The following CXCL17 variants were observed in gnomAD, a reference collection of about 807,000 sequenced individuals.
The protein encoded by CXCL17 is C-X-C motif chemokine ligand 17.
In CXCL17, 9 loss-of-function variants were observed where a neutral mutation model predicts 15.5. The observed-to-expected ratio is 0.58, with a 90% CI of 0.35 to 1.01. CXCL17 has a LOEUF of 1.01. CXCL17 is among the 50% of genes least tolerant of loss of function. CXCL17 has a pLI of 0.02. For missense variants in CXCL17, 133 were observed against 138.2 expected, an observed-to-expected ratio of 0.96 and a Z score of 0.19; for synonymous variants, 52 against 52.3, an observed-to-expected ratio of 0.99 and a Z score of 0.02.
intron 3 of CXCL17, among the ~76,000 whole-genome samples, chr19:42,432,555 G>A (rs1369325097): frequency 6.6e-6 from 1 of 152,096 alleles, no homozygotes; most frequent in Non-Finnish European, 1.5e-5. Flanking sequence ...GATCACTTGA[G>A]CCCAGGAGTT....
rs574220649 is a variant in CXCL17 at position 42,434,758 on chromosome 19, C to T, written c.80-902G>A. ...GTAGCTGTATTTGAATCCAGAGTCC[C>T]AGTTCAACTATTAAACGATGGTATT... On this transcript the variant is annotated intron_variant, in intron 1 of 3. Transcript: ENST00000601181. 2.6e-5 allele frequency among the ~76,000 whole-genome samples: 4 copies of T among 152,274 alleles called. No homozygotes were observed. The South Asian group carries it at 6.2e-4, about 24-fold the overall frequency.
rs1179922236 is a variant in CXCL17, at chr19:42,433,796, C to T, written c.140G>A (p.Gly47Asp). The part of the protein sequence containing the change: ...QASRRWLQEG[G>D]QECECKDWFL... Reference sequence around the variant, plus strand: ...CTGACCTTTGCACTCACATTCTTGGCCGCCTTCCTGGAGCCATCTCCTAGA... The same window carrying T: ...CTGACCTTTGCACTCACATTCTTGGTCGCCTTCCTGGAGCCATCTCCTAGA... The change falls in exon 2 of 4, where the codon GGC (glycine) becomes GAC (aspartate). Residue 47 changes from glycine to aspartate, a missense_variant. Gly to Asp is a moderately conservative substitution (Grantham distance 94, BLOSUM62 -1). Coordinates refer to ENST00000601181, the MANE Select transcript of CXCL17 (RefSeq NM_198477.3). The T allele has an allele frequency of 6.2e-7, 1 of 1,614,006 alleles. No individual in the cohort carries two copies. The highest frequency in any genetic ancestry group is 1.1e-5 in the South Asian group (1 of 91,084).
At chr19:42,438,654 G>C (rs2040861891) in intron 1 of CXCL17, among the ~76,000 whole-genome samples, 3 of 151,942 alleles carry the variant, frequency 2.0e-5, no homozygotes. Context: ...ATCAGTCAGT[G>C]CCCATAGTCT....
Position 42,442,860 on chromosome 19 carries a change from CT to C in CXCL17, c.-29del. The C allele has an allele frequency of 6.3e-7, 1 of 1,582,800 alleles. No individual in the cohort carries two copies. Reference sequence around the variant, plus strand: ...CAACTGTCGGTGCAGCTGTAAGTTGCTTGAAGAATATAATGGAAGGTTCCCT... The same window carrying C: ...CAACTGTCGGTGCAGCTGTAAGTTGCTGAAGAATATAATGGAAGGTTCCCT... On this transcript the variant is annotated 5_prime_UTR_variant, in exon 1 of 4. Coordinates refer to ENST00000601181, the MANE Select transcript of CXCL17 (RefSeq NM_198477.3).
chr19:42,433,698 A>G (rs1486332574), intron 2 of CXCL17, 78 bp downstream of exon 2: 6 of 1,199,970 alleles, frequency 5.0e-6, no homozygotes, highest in Non-Finnish European at 5.0e-6. Flanking sequence ...TAACATCTGC[A>G]TTGGTCTCAG....
At chr19:42,439,531 C>T (rs1466670468) in intron 1 of CXCL17, among the ~76,000 whole-genome samples, 1 of 151,808 alleles carries the variant, frequency 6.6e-6, no homozygotes, top group African/African-American at 2.4e-5. Flanking sequence ...CCACAAGATA[C>T]TTATTAATTA....
In CXCL17 at chr19:42,428,773, A is replaced by G; in HGVS notation, c.*111T>C. 1.3e-6 allele frequency: 1 copy of G among 793,758 alleles called. No homozygotes were observed. Among genetic ancestry groups the G allele is most frequent in the Non-Finnish European group, 2.2e-6 (1 of 450,148 alleles). The allele number at this position is 793,758 out of a possible 1,614,324, so 49.2% of individuals were successfully genotyped here. On this transcript the variant is annotated 3_prime_UTR_variant, in exon 4 of 4. Coordinates refer to ENST00000601181, the MANE Select transcript of CXCL17 (RefSeq NM_198477.3). ...CTTTTTGAGAGCACTGGAATGATTT[A>G]GGGGTGGGTACAGTGGGAGAGTGAG...
chr19:42,430,346 T>C (rs1215269710), intron 3 of CXCL17, among the ~76,000 whole-genome samples: 1 of 150,270 alleles, frequency 6.7e-6, no homozygotes, highest in Non-Finnish European at 1.5e-5. Context: ...CTGTAATCCC[T>C]GCACTTTGGG....
intron 1 of CXCL17, among the ~76,000 whole-genome samples, chr19:42,438,381 A>AAAAAAAAATATATATAT (rs1555793041): frequency 1.6e-5 from 1 of 63,852 alleles, no homozygotes; most frequent in Non-Finnish European, 2.6e-5. Context: ...AAAAAAAAAA[A>AAAAAAAAATATATATAT]ATATATATAT....
chr19:42,438,972 G>A (rs1480318105), intron 1 of CXCL17, among the ~76,000 whole-genome samples: 6 of 152,128 alleles, frequency 3.9e-5, no homozygotes, highest in Middle Eastern at 6.3e-3. Context: ...ATAAGGAAGA[G>A]GCTAGGCATG....
chr19:42,441,766 C>G (rs762369799), intron 1 of CXCL17, among the ~76,000 whole-genome samples: 2 of 152,110 alleles, frequency 1.3e-5, no homozygotes, highest in African/African-American at 4.8e-5. Context: ...ACATGGGGAT[C>G]AGGTCTTTTC....
intron 1 of CXCL17, among the ~76,000 whole-genome samples, chr19:42,438,392 A>G (rs1281825517): frequency 9.1e-6 from 1 of 109,482 alleles, no homozygotes; most frequent in Non-Finnish European, 1.7e-5. Context: ...ATATATATAT[A>G]TATATATATA....
chr19:42,442,698 G>A, intron 1 of CXCL17, 56 bp downstream of exon 1: 1 of 1,254,978 alleles, frequency 8.0e-7, no homozygotes, highest in Non-Finnish European at 1.2e-6. Context: ...TGTGTCTGTG[G>A]CCTGTTTTGC....
chr19:42,433,021 T>C lies in CXCL17; in HGVS notation c.217A>G (p.Lys73Glu), dbSNP rs377513416. ...KFMTVSGLPKKQCPCDHFKGN... is the reference protein window; with the variant it reads ...KFMTVSGLPKEQCPCDHFKGN... ...TTGAAATGATCACAGGGGCACTGCT[T>C]CTTTGGCAGCCCAGACACTGTCATG... The change falls in exon 3 of 4, where the codon AAG (lysine) becomes GAG (glutamate). Residue 73 changes from lysine to glutamate, a missense_variant. Coordinates refer to ENST00000601181, the MANE Select transcript of CXCL17 (RefSeq NM_198477.3). 1.9e-6 allele frequency: 3 copies of C among 1,614,038 alleles called. No homozygotes were observed. In the African/African-American group the frequency reaches 4.0e-5, roughly 22 times the overall value.
chr19:42,434,598 T>A (rs985699189), intron 1 of CXCL17, among the ~76,000 whole-genome samples: 98 of 152,060 alleles, frequency 6.4e-4, no homozygotes, highest in Admixed American at 6.2e-3. Context: ...CTGGCTAGTT[T>A]TTTGTATTTT....
intron 3 of CXCL17, among the ~76,000 whole-genome samples, chr19:42,429,676 T>A: frequency 6.6e-6 from 1 of 152,168 alleles, no homozygotes; most frequent in Non-Finnish European, 1.5e-5. Context: ...ATAAGACTCA[T>A]CCAGTGGAAA....
At chr19:42,433,436 C>A (rs768459843) in intron 2 of CXCL17, among the ~76,000 whole-genome samples, 3 of 152,120 alleles carry the variant, frequency 2.0e-5, no homozygotes, top group Non-Finnish European at 4.4e-5. Flanking sequence ...TCAGTCTTGC[C>A]TGTGAGTAAA....
intron 1 of CXCL17, among the ~76,000 whole-genome samples, chr19:42,438,469 GTCTC>G (rs531930869): frequency 7.0e-6 from 1 of 142,320 alleles, no homozygotes; most frequent in South Asian, 2.2e-4. Context: ...CGTGAATGTG[GTCTC>G]TCTCTCTCTT....
intron 1 of CXCL17, 55 bp downstream of exon 1, chr19:42,442,699 C>G: frequency 7.8e-7 from 1 of 1,279,392 alleles, no homozygotes; most frequent in East Asian, 2.3e-5. Context: ...GTGTCTGTGG[C>G]CTGTTTTGCC....
Sources: allele counts gnomAD v4.1 joint callset (sites outside exome capture counted in the v4.1 genomes callset), GRCh38; gene constraint gnomAD v4.1.1; transcripts MANE v1.5; gene names NCBI Gene and HGNC (gene_info 2026-07-23, HGNC 2026-07-21).